DUSP5: variants seen among roughly 807,000 people sequenced by gnomAD.
DUSP5 encodes the protein dual specificity protein phosphatase 5.
In DUSP5, 22 loss-of-function variants were observed where a neutral mutation model predicts 33.6. The ratio of observed to expected loss-of-function variants is 0.66; its 90% CI spans 0.47 to 0.94. The LOEUF is 0.94. DUSP5 is among the 40% of genes least tolerant of loss of function. DUSP5 has a pLI of 0.00. For missense variants in DUSP5, 551 were observed against 522.1 expected, an observed-to-expected ratio of 1.06 and a Z score of -0.54; for synonymous variants, 270 against 231.1, an observed-to-expected ratio of 1.17 and a Z score of -1.53.
Position 110,498,441 on chromosome 10 carries a change from T to A in DUSP5, c.320T>A (p.Val107Asp). 1 of 1,540,124 alleles carries A rather than the reference T, an allele frequency of 6.5e-7. No homozygotes were observed. The highest frequency in any genetic ancestry group is 8.7e-7 in the Non-Finnish European group (1 of 1,152,464). The change falls in exon 1 of 4, where the codon GTC (valine) becomes GAC (aspartate). Residue 107 changes from valine (V) to aspartate (D), a missense_variant. Physicochemically the swap from Val to Asp is radical, Grantham distance 152 (BLOSUM62 -3). Around this residue, in one of 3 missense-constraint regions of DUSP5, gnomAD observed 381 missense variants for 310.4 expected, o/e 1.23. Coordinates refer to ENST00000369583, the MANE Select transcript of DUSP5 (RefSeq NM_004419.4). ...QKLREESAARVVLTSLLACLP... is the reference protein window; with the variant it reads ...QKLREESAARDVLTSLLACLP... Reference sequence around the variant, plus strand: ...CTGCGAGAGGAGAGCGCCGCGCGTGTCGTCCTCACCTCGCTACTCGCTTGC... The same window carrying A: ...CTGCGAGAGGAGAGCGCCGCGCGTGACGTCCTCACCTCGCTACTCGCTTGC...
chr10:110,499,806 G>A (rs1220295887), intron 1 of DUSP5, among the ~76,000 whole-genome samples: 1 of 152,106 alleles, frequency 6.6e-6, no homozygotes, highest in Non-Finnish European at 1.5e-5. Flanking sequence ...TCCTAATATG[G>A]TTTTTATCTC....
In DUSP5 at chr10:110,510,347, C is replaced by T. The variant is rs141147474; in HGVS notation, c.1076C>T (p.Ser359Leu). 87 of 1,613,754 alleles carry T rather than the reference C, an allele frequency of 5.4e-5. No homozygotes were observed. The highest frequency in any genetic ancestry group is 6.8e-5 in the Non-Finnish European group (80 of 1,179,944). The change falls in exon 4 of 4, where the codon TCG becomes TTG. Residue 359 changes from serine to leucine, a missense_variant. Around this residue, in one of 3 missense-constraint regions of DUSP5, gnomAD observed 158 missense variants for 181.8 expected, o/e 0.87. Transcript: ENST00000369583. ...MQGAYCTFPA[S>L]VLAPVPTHST... is the part of the protein sequence containing the mutation. ...GGTGCCTACTGCACATTCCCTGCCTCGGTGCTGGCACCGGTGCCTACCCAC... is the reference window on the plus strand; with the variant it reads ...GGTGCCTACTGCACATTCCCTGCCTTGGTGCTGGCACCGGTGCCTACCCAC...
Position 110,510,382 on chromosome 10 carries a change from TC to T in DUSP5, c.1112del (p.Ser371Ter). 6.2e-7 allele frequency: 1 copy of T among 1,610,646 alleles called. No homozygotes were observed. The highest frequency in any genetic ancestry group is 8.5e-7 in the Non-Finnish European group (1 of 1,178,182). On this transcript the variant is annotated frameshift_variant, in exon 4 of 4. Transcript: ENST00000369583. LOFTEE classifies it high-confidence loss of function. ...ACCGGTGCCTACCCACTCAACAGTC[TC>T]AGAGCTCAGCAGAAGCCCTGTGGCA... Reference protein sequence around the residue: ...LAPVPTHSTVSELSRSPVATA... With the variant: ...LAPVPTHSTVXELSRSPVATA...
Position 110,507,001 on chromosome 10 carries a change from T to A in DUSP5, c.595T>A (p.Phe199Ile), listed in dbSNP as rs1324404471. The change falls in exon 3 of 4, where the codon TTC (phenylalanine) becomes ATC (isoleucine). Residue 199 changes from phenylalanine (F) to isoleucine (I), a missense_variant. This residue lies in a region of DUSP5 where 381 missense variants were observed against 310.4 expected (regional missense o/e 1.23). Transcript: ENST00000369583. ...TGCCTACCATGCATCCAAGTGCGAGTTCCTCGCCAACCTGCACATCACAGC... is the reference window on the plus strand; with the variant it reads ...TGCCTACCATGCATCCAAGTGCGAGATCCTCGCCAACCTGCACATCACAGC... Reference protein sequence around the residue: ...GSAYHASKCEFLANLHITALL... With the variant: ...GSAYHASKCEILANLHITALL... 6.2e-7 allele frequency: 1 copy of A among 1,614,236 alleles called. No individual in the cohort carries two copies. Among genetic ancestry groups the A allele is most frequent in the Non-Finnish European group, 8.5e-7 (1 of 1,180,042 alleles).
chr10:110,498,356 G>A lies in DUSP5; in HGVS notation c.235G>A (p.Gly79Ser), dbSNP rs1401996038. The change falls in exon 1 of 4, where the codon GGC becomes AGC. Residue 79 changes from glycine to serine, a missense_variant. This residue lies in a region of DUSP5 where 381 missense variants were observed against 310.4 expected (regional missense o/e 1.23). Coordinates refer to ENST00000369583, the MANE Select transcript of DUSP5 (RefSeq NM_004419.4). ...GGCGCGCGCGCGGCTCCTGCAGGAG[G>A]GCGGCGGCGGCGTCGCGGCCGTGGT... is the stretch of plus-strand genomic sequence containing the variant. The part of the protein sequence containing the change: ...EAARARLLQE[G>S]GGGVAAVVVL... The A allele has an allele frequency of 2.0e-5, 28 of 1,389,970 alleles. No individual in the cohort carries two copies. Among genetic ancestry groups the A allele is most frequent in the Non-Finnish European group, 2.5e-5 (27 of 1,070,724 alleles). 86.1% of individuals were successfully genotyped at this position (1,389,970 alleles called of 1,614,324 possible).
At chr10:110,503,099 C>T (rs1860076534) in intron 2 of DUSP5, among the ~76,000 whole-genome samples, 1 of 152,186 alleles carries the variant, frequency 6.6e-6, no homozygotes, top group South Asian at 2.1e-4. Context: ...CTGACAAGAG[C>T]AAACCAGCCA....
chr10:110,498,709 C>G (rs577822804), intron 1 of DUSP5, among the ~76,000 whole-genome samples: 2 of 152,224 alleles, frequency 1.3e-5, no homozygotes, highest in Non-Finnish European at 2.9e-5. Context: ...CGAAAGCGCC[C>G]GGCAGCGGGT....
chr10:110,505,469 GTGAC>G (rs1322867759), intron 2 of DUSP5, among the ~76,000 whole-genome samples: 1 of 152,192 alleles, frequency 6.6e-6, no homozygotes, highest in Non-Finnish European at 1.5e-5. Context: ...TTTCTTTCAA[GTGAC>G]TGAACTGGCC....
At chr10:110,506,682 G>T (rs1860123335) in intron 2 of DUSP5, among the ~76,000 whole-genome samples, 1 of 152,150 alleles carries the variant, frequency 6.6e-6, no homozygotes, top group African/African-American at 2.4e-5. Flanking sequence ...TCCTGGATAT[G>T]TGCAAAAAAG....
intron 1 of DUSP5, 136 bp downstream of exon 1, chr10:110,498,636 C>A: frequency 7.9e-7 from 1 of 1,259,622 alleles, no homozygotes; most frequent in Non-Finnish European, 1.0e-6. Context: ...GCTTGTTGTG[C>A]GCTTGGGAGG....
chr10:110,498,937 C>T (rs1441590925), intron 1 of DUSP5, among the ~76,000 whole-genome samples: 3 of 152,184 alleles, frequency 2.0e-5, no homozygotes, highest in African/African-American at 7.2e-5. Flanking sequence ...TGGTGCCCCC[C>T]TTCCTCCCGC....
rs1456422633 is a variant in DUSP5, at chr10:110,506,876, T to C, written c.529-59T>C. 1.9e-6 allele frequency: 3 copies of C among 1,558,864 alleles called. No homozygotes were observed. The African/African-American group carries it at 4.1e-5, about 21-fold the overall frequency. ...CAAATAGGTCGGAGTTGTTTTTTCC[T>C]CTCTCAAATGAACAAGCTAATCCAA... On this transcript the variant is annotated intron_variant, in intron 2 of 3. Transcript: ENST00000369583.
intron 1 of DUSP5, among the ~76,000 whole-genome samples, chr10:110,501,802 T>C (rs2134657987): frequency 6.6e-6 from 1 of 152,286 alleles, no homozygotes; most frequent in East Asian, 1.9e-4. Context: ...CACCTTTTCA[T>C]TCGGTTCTTC....
At position 110,507,092 on chromosome 10, in the gene DUSP5, C is replaced by T. The variant is rs760205872; in HGVS notation, c.686C>T (p.Pro229Leu). ...ACCCACCTACACTACAAATGGATCC[C>T]TGTGGAAGACAGCCACACGGCTGAC... ...CATHLHYKWI[P>L]VEDSHTADIS... Residue 229 changes from proline to leucine, a missense_variant, in exon 3 of 4, where the codon CCT becomes CTT. Physicochemically the swap from Pro to Leu is moderately conservative, Grantham distance 98. Coordinates refer to ENST00000369583, the MANE Select transcript of DUSP5 (RefSeq NM_004419.4). 6.2e-7 allele frequency: 1 copy of T among 1,614,222 alleles called. No individual in the cohort carries two copies. The highest frequency in any genetic ancestry group is 1.7e-5 in the Admixed American group (1 of 60,034).
At chr10:110,500,343 C>G (rs1860028854) in intron 1 of DUSP5, among the ~76,000 whole-genome samples, 1 of 152,212 alleles carries the variant, frequency 6.6e-6, no homozygotes, top group South Asian at 2.1e-4. Flanking sequence ...TGTGCTCTTG[C>G]GTGTGCAGTG....
intron 3 of DUSP5, among the ~76,000 whole-genome samples, chr10:110,508,364 T>C (rs895253439): frequency 1.3e-5 from 2 of 152,156 alleles, no homozygotes; most frequent in African/African-American, 4.8e-5. Context: ...GGGTAGCTAC[T>C]TCATGAGGTC....
At position 110,510,105 on chromosome 10, in the gene DUSP5, T is replaced by C. The variant is rs1860168573; in HGVS notation, c.834T>C (p.Leu278=). The C allele has an allele frequency of 1.2e-6, 2 of 1,614,060 alleles. No individual in the cohort carries two copies. Among genetic ancestry groups the C allele is most frequent in the Non-Finnish European group, 1.7e-6 (2 of 1,180,038 alleles). Residue 278 remains leucine, a synonymous_variant, in exon 4 of 4, where the codon CTT becomes CTC. Transcript: ENST00000369583. ...SRSPTICMAY[L]MKTKQFRLKE... is the part of the protein sequence containing the mutation. ...CACCCACCATCTGCATGGCTTACCT[T>C]ATGAAGACCAAGCAGTTCCGCCTGA...
chr10:110,498,531 C>T (rs1253994696), intron 1 of DUSP5, 31 bp downstream of exon 1: 3 of 1,422,466 alleles, frequency 2.1e-6, no homozygotes, highest in Admixed American at 5.8e-5. Context: ...CCACGCTCGC[C>T]CCTCCGGCGC....
intron 2 of DUSP5, chr10:110,503,632 C>G (rs1162053332): frequency 6.6e-6 from 1 of 152,212 alleles, no homozygotes; most frequent in African/African-American, 2.4e-5. Context: ...AGCCAGAGAT[C>G]AAAACCTAAC....
Sources: allele counts gnomAD v4.1 joint callset (sites outside exome capture counted in the v4.1 genomes callset), GRCh38; gene constraint gnomAD v4.1.1; regional missense constraint gnomAD v4.1.1; transcripts MANE v1.5; gene names NCBI Gene and HGNC (gene_info 2026-07-23, HGNC 2026-07-21).